The following LRTM3 variants were observed in gnomAD, a reference collection of about 807,000 sequenced individuals.
The protein encoded by LRTM3 is leucine-rich repeat transmembrane protein 3.
At chr13:102,739,344 A>C in the LRTM3 span, 2 of 1,549,320 alleles carry the variant, frequency 1.3e-6, no homozygotes, top group Non-Finnish European at 1.7e-6. Context: ...AAACACTTTG[A>C]TTCTATTACA....
the LRTM3 span, chr13:102,758,685 C>T: frequency 6.6e-7 from 1 of 1,524,284 alleles, no homozygotes; most frequent in Non-Finnish European, 8.8e-7. Context: ...AAGGGGAAAT[C>T]AACCATTTAT....
At chr13:102,747,392 G>A in the LRTM3 span, 1 of 1,549,580 alleles carries the variant, frequency 6.5e-7, no homozygotes. Flanking sequence ...ATTAATATAA[G>A]GCATCAGTGA....
the LRTM3 span, chr13:102,744,141 G>C: frequency 1.3e-6 from 2 of 1,550,516 alleles, no homozygotes; most frequent in Non-Finnish European, 1.7e-6. Flanking sequence ...TTAAAACGGT[G>C]TTGCTTTTTC....
the LRTM3 span, chr13:102,735,691 T>A: frequency 1.9e-6 from 3 of 1,551,198 alleles, no homozygotes; most frequent in Middle Eastern, 3.3e-4. Context: ...GCACTGGTCC[T>A]TTTGAGTTGC....
the LRTM3 span, chr13:102,732,929 G>C: frequency 6.4e-7 from 1 of 1,551,488 alleles, no homozygotes; most frequent in Non-Finnish European, 8.7e-7. Context: ...AGTCCAGGGA[G>C]GGAATAGGGA....
chr13:102,732,491 A>T, the LRTM3 span: 1 of 1,551,114 alleles, frequency 6.4e-7, no homozygotes, highest in Non-Finnish European at 8.7e-7. Context: ...AGAAAGAGGA[A>T]CATATGAATA....
At chr13:102,748,497 C>T in the LRTM3 span, 1 of 1,551,058 alleles carries the variant, frequency 6.4e-7, no homozygotes, top group Non-Finnish European at 8.7e-7. Context: ...GTTGGTAACT[C>T]CTCTCCATTT....
At chr13:102,740,253 T>G in the LRTM3 span, 1 of 1,549,790 alleles carries the variant, frequency 6.5e-7, no homozygotes, top group East Asian at 2.4e-5. Context: ...TTTATAGTTT[T>G]ATGGTATGAT....
the LRTM3 span, chr13:102,730,808 G>A: frequency 6.4e-7 from 1 of 1,551,406 alleles, no homozygotes; most frequent in Admixed American, 2.0e-5. Flanking sequence ...ACTTCCAACA[G>A]GAAGCCCCAG....
At chr13:102,743,256 A>C in the LRTM3 span, 2 of 1,550,284 alleles carry the variant, frequency 1.3e-6, no homozygotes, top group Admixed American at 3.9e-5. Flanking sequence ...TCAGCTAGTG[A>C]CTCTATTTGT....
chr13:102,748,137 C>T, the LRTM3 span: 1 of 1,550,972 alleles, frequency 6.4e-7, no homozygotes, highest in South Asian at 1.2e-5. Context: ...GTTTCTGTAT[C>T]AGGTAGTTGA....
At chr13:102,734,709 T>G in the LRTM3 span, 3 of 1,551,256 alleles carry the variant, frequency 1.9e-6, no homozygotes, top group East Asian at 4.9e-5. Flanking sequence ...ATAGGTCTTT[T>G]AAGTCTTAGC....
the LRTM3 span, chr13:102,732,358 C>A: frequency 1.3e-6 from 2 of 1,551,272 alleles, no homozygotes; most frequent in South Asian, 2.4e-5. Flanking sequence ...GTGTACCACG[C>A]CCCGTGATAT....
At chr13:102,743,979 G>C in the LRTM3 span, 1 of 1,550,044 alleles carries the variant, frequency 6.5e-7, no homozygotes, top group South Asian at 1.2e-5. Context: ...AGATTTTGTC[G>C]GCGTGTTCTG....
the LRTM3 span, chr13:102,737,399 T>C: frequency 7.1e-6 from 11 of 1,550,950 alleles, no homozygotes; most frequent in South Asian, 1.3e-4. Context: ...AGAAGGCAAA[T>C]GTAGGAAGAG....
At chr13:102,747,378 A>T in the LRTM3 span, 1 of 1,550,314 alleles carries the variant, frequency 6.5e-7, no homozygotes, top group Non-Finnish European at 8.7e-7. Context: ...GAAGTACCAC[A>T]TATATTAATA....
the LRTM3 span, chr13:102,734,916 G>A: frequency 6.4e-7 from 1 of 1,550,970 alleles, no homozygotes; most frequent in African/African-American, 1.4e-5. Context: ...TTTCCTTTTT[G>A]TAGATAGATT....
At chr13:102,753,678 G>A in the LRTM3 span, among the ~76,000 whole-genome samples, 1 of 152,050 alleles carries the variant, frequency 6.6e-6, no homozygotes, top group Admixed American at 6.6e-5. Context: ...TGTTATGGCA[G>A]CCCCAGCAAT....
the LRTM3 span, chr13:102,730,359 C>A: frequency 6.4e-7 from 1 of 1,551,002 alleles, no homozygotes; most frequent in East Asian, 2.4e-5. Context: ...TCGTCCAAGT[C>A]AGCTGGACTC....
Sources: gnomAD v4.1 joint callset for allele counts (sites outside exome capture counted in the v4.1 genomes callset) on GRCh38, gnomAD v4.1.1 for gene constraint, MANE v1.5 for transcripts, NCBI Gene and HGNC (gene_info 2026-07-23, HGNC 2026-07-21) for gene names.